Variants in NECAB2 observed in about 807,000 individuals in gnomAD.
NECAB2 encodes the protein N-terminal EF-hand calcium-binding protein 2.
A neutral mutation model predicts 51.9 loss-of-function variants in NECAB2; 68 were observed. That is an observed-to-expected ratio of 1.31 (90% CI 1.08 to 1.60). The LOEUF (loss-of-function observed/expected upper bound fraction) is 1.60. Ranked by LOEUF, NECAB2 falls within the 40% of genes most tolerant of loss-of-function variation. The pLI is 0.00. For missense variants in NECAB2, 854 were observed against 490.3 expected, an observed-to-expected ratio of 1.74 and a Z score of -7.00; for synonymous variants, 329 against 203.5, an observed-to-expected ratio of 1.62 and a Z score of -5.25.
At chr16:83,996,048 C>T (rs74032356) in intron 8 of NECAB2, among the ~76,000 whole-genome samples, 12,905 of 152,182 alleles carry the variant, frequency 0.085, 1,350 homozygotes, top group African/African-American at 0.25. Flanking sequence ...CTGGCCCGGG[C>T]GGTCAGCAGG....
intron 1 of NECAB2, among the ~76,000 whole-genome samples, chr16:83,970,504 C>CT (rs2084336081): frequency 6.6e-6 from 1 of 152,132 alleles, no homozygotes; most frequent in Admixed American, 6.5e-5. Context: ...GTGCTTCAGT[C>CT]TCACCGCCCA....
chr16:83,980,168 A>T (rs1441318297), intron 3 of NECAB2, among the ~76,000 whole-genome samples: 1 of 152,240 alleles, frequency 6.6e-6, no homozygotes, highest in Non-Finnish European at 1.5e-5. Context: ...TTGACTTGGC[A>T]GTAGCTCCTT....
chr16:83,974,194 T>G (rs1426421708), intron 2 of NECAB2, among the ~76,000 whole-genome samples: 4 of 152,142 alleles, frequency 2.6e-5, no homozygotes, highest in Non-Finnish European at 5.9e-5. Flanking sequence ...AGATGCGGGT[T>G]CCAGCAAGAG....
In NECAB2 at chr16:83,998,762, G is replaced by A. The variant is rs552848312; in HGVS notation, c.962+445G>A. 3.2e-4 allele frequency among the ~76,000 whole-genome samples: 48 copies of A among 152,014 alleles called. 1 individual carries two copies. Among genetic ancestry groups the A allele is most frequent in the African/African-American group, 1.1e-3 (46 of 41,292 alleles). ...ACCACTGAGGAAGGAGAGGAGAGTCGGTAGCTGAAGGGAAATGCCCAAGTC... is the reference window on the plus strand; with the variant it reads ...ACCACTGAGGAAGGAGAGGAGAGTCAGTAGCTGAAGGGAAATGCCCAAGTC... On this transcript the variant is annotated intron_variant, in intron 10 of 12. Transcript: ENST00000305202.
rs1385350646 is a variant in NECAB2 at position 84,000,744 on chromosome 16, C to G, written c.983C>G (p.Ser328Ter). The G allele has an allele frequency of 6.2e-7, 1 of 1,613,784 alleles. No homozygotes were observed. The highest frequency in any genetic ancestry group is 8.5e-7 in the Non-Finnish European group (1 of 1,179,990). Residue 328 changes from serine to a stop codon, truncating the protein, a stop_gained, in exon 11 of 13, where the codon TCA becomes TGA. Transcript: ENST00000305202. LOFTEE classifies it high-confidence loss of function. ...NCFHITAVRL[S>*]DGFTFVIYEF... is the part of the protein sequence containing the mutation. ...TGCAGCATCACTGCCGTGAGGCTCT[C>G]AGATGGCTTCACCTTTGTCATCTAT...
At chr16:83,983,688 A>G (rs922236025) in intron 5 of NECAB2, among the ~76,000 whole-genome samples, 2 of 152,140 alleles carry the variant, frequency 1.3e-5, no homozygotes, top group Non-Finnish European at 2.9e-5. Context: ...TAATTGGTAT[A>G]TTATTCTTTT....
chr16:83,995,018 C>T (rs1218061606), intron 8 of NECAB2, among the ~76,000 whole-genome samples: 2 of 152,146 alleles, frequency 1.3e-5, no homozygotes, highest in East Asian at 1.9e-4. Flanking sequence ...GGAGACTTTG[C>T]TCTGAAGTGG....
At chr16:83,992,384 G>GCCCCCCCCCCCCCC (rs200728906) in intron 6 of NECAB2, among the ~76,000 whole-genome samples, 1 of 143,326 alleles carries the variant, frequency 7.0e-6, no homozygotes, top group African/African-American at 2.8e-5. Context: ...CCGTCCCCCC[G>GCCCCCCCCCCCCCC]CCCACCTCCA....
intron 5 of NECAB2, among the ~76,000 whole-genome samples, chr16:83,985,995 C>T (rs953046852): frequency 2.0e-5 from 3 of 152,134 alleles, no homozygotes; most frequent in Admixed American, 6.6e-5. Flanking sequence ...TATTAAAATA[C>T]ACATCAAATA....
chr16:83,966,294 T>TTTTTTAATGATACGGCGA, upstream of NECAB2: 1 of 466,518 alleles, frequency 2.1e-6, no homozygotes, highest in Non-Finnish European at 3.8e-6. Context: ...CCCTGCGCCT[T>TTTTTTAATGATACGGCGA]CCAGAAGCAG....
At chr16:84,001,252 GCCTTTGT>G (rs1403259274) in intron 11 of NECAB2, among the ~76,000 whole-genome samples, 2 of 144,142 alleles carry the variant, frequency 1.4e-5, no homozygotes, top group Admixed American at 6.7e-5. Context: ...TGGGCCTTAG[GCCTTTGT>G]CCTCTGCTCA....
intron 3 of NECAB2, among the ~76,000 whole-genome samples, 199 bp downstream of exon 3, chr16:83,978,751 G>A (rs1457020560): frequency 3.3e-5 from 5 of 152,034 alleles, no homozygotes; most frequent in African/African-American, 7.3e-5. Flanking sequence ...GGCTACTATC[G>A]CAAGTGTGTC....
chr16:84,000,151 C>G (rs1027295928), intron 10 of NECAB2, among the ~76,000 whole-genome samples: 2 of 152,164 alleles, frequency 1.3e-5, no homozygotes, highest in African/African-American at 2.4e-5. Context: ...CTCGACCCCT[C>G]AAGACTTCCC....
At chr16:83,992,377 T>TCCCCCCCCCCC (rs60014664) in intron 6 of NECAB2, among the ~76,000 whole-genome samples, 16 of 133,036 alleles carry the variant, frequency 1.2e-4, no homozygotes, top group African/African-American at 3.2e-4. Context: ...CGAGCACCCG[T>TCCCCCCCCCCC]CCCCCCGCCC....
rs1157885990 is a variant in NECAB2, at chr16:84,002,358, A to C, written c.*12A>C. 1 of 1,613,710 alleles carries C rather than the reference A, an allele frequency of 6.2e-7. No homozygotes were observed. Among genetic ancestry groups the C allele is most frequent in the Non-Finnish European group, 8.5e-7 (1 of 1,179,768 alleles). On this transcript the variant is annotated 3_prime_UTR_variant, in exon 13 of 13. Transcript: ENST00000305202. ...TGGGACGGGACTGACAGCCTCCCAG[A>C]GGCCCGTGGAGGAGCCCACCAGCCC...
intron 10 of NECAB2, among the ~76,000 whole-genome samples, chr16:83,999,729 C>G (rs958904403): frequency 6.6e-6 from 1 of 152,074 alleles, no homozygotes; most frequent in African/African-American, 2.4e-5. Context: ...GGGGGACTTG[C>G]CTGCAGCCCC....
At position 83,997,267 on chromosome 16, in the gene NECAB2, A is replaced by C. The variant is rs761620858; in HGVS notation, c.847A>C (p.Met283Leu). ...CCTGTCAGATGAAGATGGCACCAAC[A>C]TGGTGAGGCCCCTTCCCACCTCTCT... ...QRLSDEDGTN[M>L]HLQLVRQEMA... The change falls in exon 9 of 13, where the codon ATG becomes CTG. Residue 283 changes from methionine (M) to leucine (L), a missense_variant and splice_region_variant. Transcript: ENST00000305202. 1.7e-5 allele frequency: 27 copies of C among 1,613,954 alleles called. No homozygotes were observed. Among genetic ancestry groups the C allele is most frequent in the Admixed American group, 5.0e-5 (3 of 59,992 alleles).
intron 8 of NECAB2, among the ~76,000 whole-genome samples, chr16:83,995,432 G>A (rs1440680796): frequency 6.6e-6 from 1 of 152,110 alleles, no homozygotes; most frequent in African/African-American, 2.4e-5. Context: ...TCATAGGGGT[G>A]TCGTTAGGAT....
Position 83,968,550 on chromosome 16 carries a change from G to GGGGCGGCGC in NECAB2, c.-94_-86dup, listed in dbSNP as rs1331598691. On this transcript the variant is annotated 5_prime_UTR_variant, in exon 1 of 13. Transcript: ENST00000305202. ...CCGCGGGGGCAGCGGGAGAGAGGGC[G>GGGGCGGCGC]GGGCGGCGCGGGCAGCGCGGGGAGG... The GGGGCGGCGC allele has an allele frequency of 2.2e-6, 2 of 919,176 alleles. No individual in the cohort carries two copies. The highest frequency in any genetic ancestry group is 1.2e-4 in the East Asian group (1 of 8,276). The allele number at this position is 919,176 out of a possible 1,614,324, so 56.9% of individuals were successfully genotyped here.
Sources: allele counts gnomAD v4.1 joint callset (sites outside exome capture counted in the v4.1 genomes callset), GRCh38; gene constraint gnomAD v4.1.1; transcripts MANE v1.5; gene names NCBI Gene and HGNC (gene_info 2026-07-23, HGNC 2026-07-21).